Variants in CERCAM observed in about 807,000 individuals in gnomAD.
The protein encoded by CERCAM is cerebral endothelial cell adhesion molecule.
CERCAM carries 59 observed loss-of-function variants against 66.0 expected under a neutral mutation model. The ratio of observed to expected loss-of-function variants is 0.89; its 90% CI spans 0.73 to 1.11. The LOEUF (loss-of-function observed/expected upper bound fraction) is 1.11, where lower values mean the gene tolerates loss of function less well. CERCAM is among the 50% of genes most tolerant of loss of function. CERCAM has a pLI of 0.00. For synonymous variants in CERCAM, 318 were observed against 343.6 expected, an observed-to-expected ratio of 0.93 and a Z score of 0.83; for missense variants, 840 against 828.3, an observed-to-expected ratio of 1.01 and a Z score of -0.17.
intron 1 of CERCAM, chr9:128,421,300 C>T (rs1833704388): frequency 8.2e-7 from 1 of 1,226,704 alleles, no homozygotes; most frequent in Non-Finnish European, 1.0e-6. Flanking sequence ...GACACCCACC[C>T]CTCCTTCTGG....
chr9:128,419,345 C>T (rs1833658501), upstream of CERCAM: 1 of 152,282 alleles, frequency 6.6e-6, no homozygotes, highest in Non-Finnish European at 1.5e-5. Flanking sequence ...ACAGCCCTGG[C>T]TCCCCTCCCT....
In CERCAM at chr9:128,434,242, C is replaced by G. The variant is rs368478455; in HGVS notation, c.1331+13C>G. Reference sequence around the variant, plus strand: ...CTTGGGACCTGATGTAGGCAGCCTGCACCCTCAGGGACAAGGGGGCAGGGT... The same window carrying G: ...CTTGGGACCTGATGTAGGCAGCCTGGACCCTCAGGGACAAGGGGGCAGGGT... On this transcript the variant is annotated intron_variant, in intron 10 of 12. Transcript: ENST00000372838. This position sits in a 1 kb window ranked among gnomAD's most constrained non-coding sequence, Gnocchi z 4.5. 6.2e-7 allele frequency: 1 copy of G among 1,613,858 alleles called. No individual in the cohort carries two copies. Among genetic ancestry groups the G allele is most frequent in the Non-Finnish European group, 8.5e-7 (1 of 1,179,884 alleles).
In CERCAM at chr9:128,435,988, G is replaced by T. The variant is rs185885815; in HGVS notation, c.*83G>T. ...TGATGGCATAACTGTGTCTGGGGCT[G>T]TTTTCCCCTTCTCAGCCTTCTCTCT... On this transcript the variant is annotated intron_variant, in intron 12 of 12. Transcript: ENST00000372838. 2.4e-5 allele frequency: 33 copies of T among 1,394,570 alleles called. No individual in the cohort carries two copies. The African/African-American group carries it at 4.3e-4, about 18-fold the overall frequency. 86.4% of individuals were successfully genotyped at this position (1,394,570 alleles called of 1,614,324 possible).
chr9:128,420,726 G>A (rs936752566), upstream of CERCAM: 3 of 267,800 alleles, frequency 1.1e-5, no homozygotes, highest in Non-Finnish European at 2.1e-5. The surrounding 1 kb of genome is among the most constrained non-coding windows in gnomAD (Gnocchi z 5.0). Flanking sequence ...GAGCATCCAC[G>A]CACAGGGGTG....
chr9:128,428,733 C>T (rs376298022), intron 6 of CERCAM, 24 bp from the exon 7 acceptor site: 17 of 1,613,154 alleles, frequency 1.1e-5, no homozygotes, highest in Non-Finnish European at 1.4e-5. Flanking sequence ...GGGACTCGTG[C>T]TTGGGGTGTG....
Position 128,435,730 on chromosome 9 carries a change from A to G in CERCAM, c.1613A>G (p.His538Arg), listed in dbSNP as rs767675424. ...CAGCCCCTGCTCGCTGCCCCTACCCACTATGCCGGGGACGCCGAGTGGCTC... is the reference window on the plus strand; with the variant it reads ...CAGCCCCTGCTCGCTGCCCCTACCCGCTATGCCGGGGACGCCGAGTGGCTC... Reference protein sequence around the residue: ...SAQPLLAAPTHYAGDAEWLSD... With the variant: ...SAQPLLAAPTRYAGDAEWLSD... The change falls in exon 12 of 13, where the codon CAC becomes CGC. Residue 538 changes from histidine to arginine, a missense_variant. Coordinates refer to ENST00000372838, the MANE Select transcript of CERCAM (RefSeq NM_016174.5). 3.1e-6 allele frequency: 5 copies of G among 1,613,290 alleles called. No homozygotes were observed. In the South Asian group the frequency reaches 5.5e-5, roughly 18 times the overall value.
intron 8 of CERCAM, 42 bp from the exon 9 acceptor site, chr9:128,431,128 CT>C (rs764929336): frequency 6.2e-7 from 1 of 1,604,848 alleles, no homozygotes; most frequent in Non-Finnish European, 8.5e-7. Flanking sequence ...CTGGAGGGGT[CT>C]CTGGCAGGCA....
intron 5 of CERCAM, among the ~76,000 whole-genome samples, chr9:128,426,049 C>T (rs920763556): frequency 6.6e-6 from 1 of 151,884 alleles, no homozygotes; most frequent in Non-Finnish European, 1.5e-5. Context: ...AAGTGATCTG[C>T]CCCCGCAGCC....
rs1226525111 is a variant in CERCAM at position 128,430,350 on chromosome 9, C to T, written c.1071-821C>T. Among the ~76,000 whole-genome samples, 4 of 151,954 alleles carry T rather than the reference C, an allele frequency of 2.6e-5. No homozygotes were observed. The East Asian group carries it at 5.9e-4, about 22-fold the overall frequency. On this transcript the variant is annotated intron_variant, in intron 8 of 12. Coordinates refer to ENST00000372838, the MANE Select transcript of CERCAM (RefSeq NM_016174.5). ...CCAGGAGGCAGAGGTTGCAGTGAGCCGAGATTGTGCCATTGCACTCCAGCC... is the reference window on the plus strand; with the variant it reads ...CCAGGAGGCAGAGGTTGCAGTGAGCTGAGATTGTGCCATTGCACTCCAGCC...
In CERCAM at chr9:128,434,218, T is replaced by C. The variant is rs941771419; in HGVS notation, c.1320T>C (p.Ser440=). ...AGGATGTGGAGGCAGAGAAACTGTC[T>C]TGGGACCTGATGTAGGCAGCCTGCA... The part of the protein sequence containing the change: ...LMEDVEAEKL[S]WDLIYLGRKQ... The change falls in exon 10 of 13, where the codon TCT becomes TCC. Residue 440 remains serine (S), a synonymous_variant. Transcript: ENST00000372838. The surrounding 1 kb of genome is among the most constrained non-coding windows in gnomAD (Gnocchi z 4.5). 3.5e-5 allele frequency: 57 copies of C among 1,614,010 alleles called. No individual in the cohort carries two copies. The highest frequency in any genetic ancestry group is 4.6e-5 in the Non-Finnish European group (54 of 1,179,974).
At position 128,424,290 on chromosome 9, in the gene CERCAM, G is replaced by T; in HGVS notation, c.561+18G>T. On this transcript the variant is annotated intron_variant, in intron 4 of 12. Coordinates refer to ENST00000372838, the MANE Select transcript of CERCAM (RefSeq NM_016174.5). ...CCCCCCAGGTGAGGCCGGGATGGGG[G>T]CCTTGGGTGGACTGAGGTCCTGGAA... The T allele has an allele frequency of 1.2e-6, 2 of 1,613,580 alleles. No individual in the cohort carries two copies. The highest frequency in any genetic ancestry group is 8.5e-7 in the Non-Finnish European group (1 of 1,179,718).
intron 6 of CERCAM, 61 bp from the exon 7 acceptor site, chr9:128,428,696 C>T: frequency 6.4e-7 from 1 of 1,573,954 alleles, no homozygotes; most frequent in Non-Finnish European, 8.7e-7. Flanking sequence ...GCTAGGACTT[C>T]AGGGTGACTG....
intron 8 of CERCAM, 191 bp from the exon 9 acceptor site, chr9:128,430,980 G>T: frequency 1.6e-6 from 1 of 640,996 alleles, no homozygotes; most frequent in Non-Finnish European, 2.7e-6. Context: ...CTGCACTCCA[G>T]CCTGGGCAAC....
At chr9:128,428,263 C>T (rs1224741913) in intron 5 of CERCAM, 39 bp from the exon 6 acceptor site, 2 of 1,606,294 alleles carry the variant, frequency 1.2e-6, no homozygotes, top group African/African-American at 2.7e-5. Flanking sequence ...CTGAGAGCCC[C>T]ACCCTCCACT....
Position 128,429,056 on chromosome 9 carries a change from G to A in CERCAM, c.1070+20G>A, listed in dbSNP as rs775014926. 6.4e-7 allele frequency: 1 copy of A among 1,557,148 alleles called. No individual in the cohort carries two copies. Among genetic ancestry groups the A allele is most frequent in the Non-Finnish European group, 8.7e-7 (1 of 1,146,382 alleles). On this transcript the variant is annotated intron_variant, in intron 8 of 12. Transcript: ENST00000372838. Reference sequence around the variant, plus strand: ...TGGCTGGTGAGCCTGCCTGGTGGGGGGGGCCCTGTGCGCTTGGGGAAGCAG... The same window carrying A: ...TGGCTGGTGAGCCTGCCTGGTGGGGAGGGCCCTGTGCGCTTGGGGAAGCAG...
intron 12 of CERCAM, 71 bp downstream of exon 12, chr9:128,435,976 G>A: frequency 6.8e-7 from 1 of 1,461,778 alleles, no homozygotes; most frequent in South Asian, 1.4e-5. Context: ...TGGCATAACT[G>A]TGTCTGGGGC....
At chr9:128,430,898 A>G (rs1013987331) in intron 8 of CERCAM, 1 of 320,834 alleles carries the variant, frequency 3.1e-6, no homozygotes, top group Non-Finnish European at 5.7e-6. Flanking sequence ...AATCTCAGCT[A>G]CTTGTGAGGC....
intron 5 of CERCAM, 113 bp downstream of exon 5, chr9:128,424,727 G>A (rs1833800078): frequency 6.2e-6 from 6 of 965,068 alleles, no homozygotes; most frequent in South Asian, 3.0e-5. Flanking sequence ...GTTAACCCAT[G>A]AGTTACAACT....
At chr9:128,433,961 T>C (rs1834039687) in intron 9 of CERCAM, 141 bp from the exon 10 acceptor site, 3 of 1,090,656 alleles carry the variant, frequency 2.8e-6, no homozygotes, top group Admixed American at 2.7e-5. Context: ...TCCCAGGCAG[T>C]GGGGCCCCCA....
Sources: gnomAD v4.1 joint callset for allele counts (sites outside exome capture counted in the v4.1 genomes callset) on GRCh38, gnomAD v4.1.1 for gene constraint, Gnocchi (gnomAD v3.1) non-coding constraint, MANE v1.5 for transcripts, NCBI Gene and HGNC (gene_info 2026-07-23, HGNC 2026-07-21) for gene names.